Variants in GATAD1 observed in about 807,000 individuals in gnomAD.
The protein encoded by GATAD1 is GATA zinc finger domain containing 1.
Under a neutral mutation model 26.5 loss-of-function variants are expected in GATAD1, and 12 were observed. That is an observed-to-expected ratio of 0.45 (90% confidence interval 0.29 to 0.73). The LOEUF is 0.73. GATAD1 is among the 30% of genes least tolerant of loss of function. The pLI, the probability that GATAD1 is intolerant of heterozygous loss-of-function variation, is 0.10. For missense variants in GATAD1, 266 were observed against 342.1 expected, an observed-to-expected ratio of 0.78 and a Z score of 1.75; for synonymous variants, 129 against 133.1, an observed-to-expected ratio of 0.97 and a Z score of 0.21.
chr7:92,494,294 T>C, the GATAD1 span: 1 of 1,609,490 alleles, frequency 6.2e-7, no homozygotes. Context: ...AATTGTCACC[T>C]GATCAGGAGG....
intron 2 of GATAD1, 178 bp from the exon 3 acceptor site, chr7:92,450,523 G>A (rs1322027301): frequency 1.8e-6 from 1 of 546,564 alleles, no homozygotes; most frequent in Non-Finnish European, 3.2e-6. Context: ...AGAAATTGCA[G>A]TGGAAATAGA....
chr7:92,447,634 T>G lies in GATAD1; in HGVS notation c.-96T>G. 1 of 1,314,992 alleles carries G rather than the reference T, an allele frequency of 7.6e-7. No individual in the cohort carries two copies. Among genetic ancestry groups the G allele is most frequent in the Non-Finnish European group, 9.7e-7 (1 of 1,026,522 alleles). The allele number at this position is 1,314,992 out of a possible 1,614,324, so 81.5% of individuals were successfully genotyped here. ...GTGCCGACGCTCTCACCGCTCTTCC[T>G]ATCGCCGGGAGTGGCGGGCCGACCA... is the stretch of plus-strand genomic sequence containing the variant. On this transcript the variant is annotated 5_prime_UTR_variant, in exon 1 of 5. Coordinates refer to ENST00000287957, the MANE Select transcript of GATAD1 (RefSeq NM_021167.5).
At chr7:92,455,192 T>C (rs1789618749) in intron 4 of GATAD1, among the ~76,000 whole-genome samples, 1 of 151,940 alleles carries the variant, frequency 6.6e-6, no homozygotes, top group African/African-American at 2.4e-5. Flanking sequence ...TTATAGAAAA[T>C]ATGAGGCATT....
intron 3 of GATAD1, among the ~76,000 whole-genome samples, chr7:92,453,228 G>T (rs764959464): frequency 1.2e-4 from 18 of 152,190 alleles, no homozygotes; most frequent in Non-Finnish European, 1.2e-4. Flanking sequence ...CTGCTGCCAA[G>T]TCCCTGTTTC....
Position 92,456,732 on chromosome 7 carries a change from T to A in GATAD1, c.*170T>A. The A allele has an allele frequency of 4.0e-6, 2 of 498,408 alleles. No individual in the cohort carries two copies. Among genetic ancestry groups the A allele is most frequent in the Non-Finnish European group, 7.0e-6 (2 of 284,870 alleles). 30.9% of individuals were successfully genotyped at this position (498,408 alleles called of 1,614,324 possible). On this transcript the variant is annotated 3_prime_UTR_variant, in exon 5 of 5. Coordinates refer to ENST00000287957, the MANE Select transcript of GATAD1 (RefSeq NM_021167.5). ...CTAATATTCTTAGTACCACAAGATA[T>A]GTCATAGGTATCTTTAAATGAAATT...
downstream of GATAD1, among the ~76,000 whole-genome samples, chr7:92,462,443 T>C (rs1279886023): frequency 1.3e-5 from 2 of 151,532 alleles, no homozygotes; most frequent in African/African-American, 2.4e-5. Context: ...ACAAACAAAA[T>C]AACAAGCATA....
chr7:92,481,378 C>T, the GATAD1 span, among the ~76,000 whole-genome samples: 10 of 152,120 alleles, frequency 6.6e-5, no homozygotes, highest in South Asian at 8.3e-4. Context: ...AAAGTATATG[C>T]GTCAGGTGTG....
In GATAD1 at chr7:92,456,476, A is replaced by G; in HGVS notation, c.724A>G (p.Thr242Ala). The G allele has an allele frequency of 6.2e-7, 1 of 1,612,776 alleles. No individual in the cohort carries two copies. Among genetic ancestry groups the G allele is most frequent in the African/African-American group, 1.3e-5 (1 of 75,016 alleles). The part of the protein sequence containing the change: ...SRSSPFPTVP[T>A]RPEKGYIWTH... ...GTCATCACCATTTCCCACAGTTCCC[A>G]CCAGACCAGAGAAGGGCTACATATG... Residue 242 changes from threonine to alanine, a missense_variant, in exon 5 of 5, where the codon ACC (threonine) becomes GCC (alanine). Physicochemically the swap from Thr to Ala is moderately conservative, Grantham distance 58 (BLOSUM62 0). Coordinates refer to ENST00000287957, the MANE Select transcript of GATAD1 (RefSeq NM_021167.5).
downstream of GATAD1, chr7:92,461,198 A>G (rs1789908700): frequency 6.6e-6 from 1 of 152,284 alleles, no homozygotes; most frequent in African/African-American, 2.4e-5. Context: ...GGTAAAGGTC[A>G]CCAGCTTCTT....
At chr7:92,479,042 G>A in the GATAD1 span, among the ~76,000 whole-genome samples, 1 of 152,166 alleles carries the variant, frequency 6.6e-6, no homozygotes, top group Non-Finnish European at 1.5e-5. Flanking sequence ...CAGCCTCCCA[G>A]TATAATCAAC....
chr7:92,481,942 G>A, the GATAD1 span, among the ~76,000 whole-genome samples: 127 of 152,338 alleles, frequency 8.3e-4, no homozygotes, highest in African/African-American at 2.9e-3. Context: ...AACAGATGGA[G>A]AAGAAATTTG....
intron 3 of GATAD1, chr7:92,454,190 G>A: frequency 3.6e-6 from 1 of 278,402 alleles, no homozygotes; most frequent in Non-Finnish European, 6.7e-6. Context: ...TAAAACCTCT[G>A]TAAAAAATAA....
At chr7:92,488,749 A>C in the GATAD1 span, among the ~76,000 whole-genome samples, 1 of 125,322 alleles carries the variant, frequency 8.0e-6, no homozygotes, top group South Asian at 2.5e-4. Flanking sequence ...TTTTTTTTTG[A>C]GACACAGTCT....
At position 92,456,764 on chromosome 7, in the gene GATAD1, T is replaced by C; in HGVS notation, c.*202T>C. On this transcript the variant is annotated 3_prime_UTR_variant, in exon 5 of 5. Transcript: ENST00000287957. ...GGTATCTTTAAATGAAATTCTTAGC[T>C]GGAAAAGTGACTAAAAAGTTTTTCT... 2.2e-6 allele frequency: 1 copy of C among 455,178 alleles called. No individual in the cohort carries two copies. Among genetic ancestry groups the C allele is most frequent in the Non-Finnish European group, 3.8e-6 (1 of 261,248 alleles). 28.2% of individuals were successfully genotyped at this position (455,178 alleles called of 1,614,324 possible).
the GATAD1 span, chr7:92,465,183 A>G: frequency 2.6e-5 from 4 of 152,258 alleles, no homozygotes; most frequent in Non-Finnish European, 5.9e-5. Flanking sequence ...GATCCGAAAG[A>G]AATTGGGTAA....
At chr7:92,470,337 G>C in the GATAD1 span, 1 of 750,738 alleles carries the variant, frequency 1.3e-6, no homozygotes. Context: ...GAGTGAAAGA[G>C]GGTAAAAGAA....
the GATAD1 span, among the ~76,000 whole-genome samples, chr7:92,488,635 C>T: frequency 6.6e-6 from 1 of 151,704 alleles, no homozygotes; most frequent in South Asian, 2.1e-4. Flanking sequence ...ATTTTGAAGG[C>T]AAAACAGGTA....
At chr7:92,494,119 A>C in the GATAD1 span, 5 of 619,406 alleles carry the variant, frequency 8.1e-6, no homozygotes, top group Non-Finnish European at 1.5e-5. Flanking sequence ...GGGCCAAAAA[A>C]AGGCTTTGCA....
At chr7:92,465,765 G>T in the GATAD1 span, among the ~76,000 whole-genome samples, 1 of 152,150 alleles carries the variant, frequency 6.6e-6, no homozygotes, top group Non-Finnish European at 1.5e-5. Flanking sequence ...ACCTTGGGAG[G>T]CCAGGTTGGG....
Sources: allele counts gnomAD v4.1 joint callset (sites outside exome capture counted in the v4.1 genomes callset), GRCh38; gene constraint gnomAD v4.1.1; transcripts MANE v1.5; gene names NCBI Gene and HGNC (gene_info 2026-07-23, HGNC 2026-07-21).